Variants in UGT1A6 observed in about 807,000 individuals in gnomAD.
The protein encoded by UGT1A6 is UDP-glucuronosyltransferase 1A6.
In UGT1A6, 32 loss-of-function variants were observed where a neutral mutation model predicts 44.4. The observed-to-expected ratio is 0.72, with a 90% CI of 0.54 to 0.97. The LOEUF (loss-of-function observed/expected upper bound fraction) is 0.97, where lower values mean the gene tolerates loss of function less well. UGT1A6 is among the 50% of genes least tolerant of loss of function. The pLI is 0.00. For missense variants in UGT1A6, 685 were observed against 661.9 expected, an observed-to-expected ratio of 1.03 and a Z score of -0.38; for synonymous variants, 238 against 248.5, an observed-to-expected ratio of 0.96 and a Z score of 0.40.
chr2:233,730,011 C>T (rs762436427), intron 1 of UGT1A6: 31 of 1,613,760 alleles, frequency 1.9e-5, no homozygotes, highest in Non-Finnish European at 2.4e-5. Flanking sequence ...TTGGTGCCTT[C>T]ATCCAATCAA....
At chr2:233,747,905 T>G in intron 1 of UGT1A6, 2 of 1,613,538 alleles carry the variant, frequency 1.2e-6, no homozygotes, top group Non-Finnish European at 1.7e-6. Flanking sequence ...CTGCTCCTTA[T>G]GCAAGCCTTG....
chr2:233,768,512 T>C (rs1026092471), intron 4 of UGT1A6, 73 bp downstream of exon 4: 15 of 1,552,814 alleles, frequency 9.7e-6, no homozygotes, highest in South Asian at 4.8e-5. Context: ...ATGAAAACAT[T>C]TACGTAGCAT....
At chr2:233,759,130 A>T (rs1697062304) in intron 1 of UGT1A6, among the ~76,000 whole-genome samples, 1 of 152,244 alleles carries the variant, frequency 6.6e-6, no homozygotes, top group Non-Finnish European at 1.5e-5. Flanking sequence ...AGCCTCTGGT[A>T]CGCAATGAAG....
At chr2:233,701,496 A>G (rs2075632566) in intron 1 of UGT1A6, among the ~76,000 whole-genome samples, 1 of 152,140 alleles carries the variant, frequency 6.6e-6, no homozygotes, top group Admixed American at 6.5e-5. Context: ...AAGCGGACCT[A>G]ATAGACATCT....
chr2:233,772,862 C>A lies in UGT1A6; in HGVS notation c.*303C>A. 1 of 682,608 alleles carries A rather than the reference C, an allele frequency of 1.5e-6. No homozygotes were observed. The highest frequency in any genetic ancestry group is 2.2e-6 in the Non-Finnish European group (1 of 464,492). 42.3% of individuals were successfully genotyped at this position (682,608 alleles called of 1,614,324 possible). A position where few individuals can be genotyped will look rare whatever the true frequency, so the allele number is the denominator to read the frequency against. On this transcript the variant is annotated 3_prime_UTR_variant, in exon 5 of 5. Coordinates refer to ENST00000305139, the MANE Select transcript of UGT1A6 (RefSeq NM_001072.4). ...TTACTTTTCTTACTCTGAAACATGGCCTGTTTGGGAGTGCGGGATTCAAAG... is the reference window on the plus strand; with the variant it reads ...TTACTTTTCTTACTCTGAAACATGGACTGTTTGGGAGTGCGGGATTCAAAG...
chr2:233,772,304 C>G lies in UGT1A6; in HGVS notation c.1344C>G (p.Asp448Glu), dbSNP rs1165346261. The change falls in exon 5 of 5, where the codon GAC becomes GAG. Residue 448 changes from aspartate to glutamate, a missense_variant. Transcript: ENST00000305139. The part of the protein sequence containing the change: ...NIMRLSSLHK[D>E]RPVEPLDLAV... ...TGCGCCTCTCCAGCCTTCACAAGGA[C>G]CGCCCGGTGGAGCCGCTGGACCTGG... The G allele has an allele frequency of 6.2e-7, 1 of 1,614,230 alleles. No homozygotes were observed. The highest frequency in any genetic ancestry group is 2.2e-5 in the East Asian group (1 of 44,884).
At chr2:233,757,048 T>G (rs536754863) in intron 1 of UGT1A6, among the ~76,000 whole-genome samples, 1 of 151,428 alleles carries the variant, frequency 6.6e-6, no homozygotes, top group South Asian at 2.1e-4. Flanking sequence ...AAAGGAAGTT[T>G]GGGGAACAGC....
In UGT1A6 at chr2:233,768,411, G is replaced by T. The variant is rs750232648; in HGVS notation, c.1273G>T (p.Ala425Ser). The T allele has an allele frequency of 1.2e-6, 2 of 1,613,974 alleles. No individual in the cohort carries two copies. Among genetic ancestry groups the T allele is most frequent in the Non-Finnish European group, 1.7e-6 (2 of 1,180,022 alleles). Residue 425 changes from alanine to serine, a missense_variant, in exon 4 of 5, where the codon GCT becomes TCT. Coordinates refer to ENST00000305139, the MANE Select transcript of UGT1A6 (RefSeq NM_001072.4). Reference protein sequence around the residue: ...LEMTSEDLENALKAVINDKSY... With the variant: ...LEMTSEDLENSLKAVINDKSY... Reference sequence around the variant, plus strand: ...AATGACTTCTGAAGATTTAGAAAATGCTCTAAAAGCAGTCATCAATGACAA... The same window carrying T: ...AATGACTTCTGAAGATTTAGAAAATTCTCTAAAAGCAGTCATCAATGACAA...
At chr2:233,725,483 GCAAAAAGAAACCA>G (rs2077451609) in intron 1 of UGT1A6, among the ~76,000 whole-genome samples, 1 of 151,876 alleles carries the variant, frequency 6.6e-6, no homozygotes, top group Admixed American at 6.6e-5. Flanking sequence ...TTAGAAACCA[GCAAAAAGAAACCA>G]CTGAAATTAA....
In UGT1A6 at chr2:233,769,736, T is replaced by C. The variant is rs1415322181; in HGVS notation, c.1301+1297T>C. 6.9e-6 allele frequency: 10 copies of C among 1,453,324 alleles called. No individual in the cohort carries two copies. Among genetic ancestry groups the C allele is most frequent in the Non-Finnish European group, 9.1e-6 (10 of 1,101,886 alleles). The allele number at this position is 1,453,324 out of a possible 1,614,324, so 90.0% of individuals were successfully genotyped here. A position where few individuals can be genotyped will look rare whatever the true frequency, so the allele number is the denominator to read the frequency against. The stretch of plus-strand genomic sequence containing the variant: ...TAGGCACCATGGCACACGCCTGTAG[T>C]CCCAGCCACTCTGGAGGCTAAGGCG... On this transcript the variant is annotated intron_variant, in intron 4 of 4. Coordinates refer to ENST00000305139, the MANE Select transcript of UGT1A6 (RefSeq NM_001072.4). The surrounding 1 kb of genome is among the most constrained non-coding windows in gnomAD (Gnocchi z 4.4).
chr2:233,700,832 A>C (rs2075591149), intron 1 of UGT1A6, among the ~76,000 whole-genome samples: 1 of 152,014 alleles, frequency 6.6e-6, no homozygotes, highest in Non-Finnish European at 1.5e-5. Flanking sequence ...TTAACTCGTC[A>C]TTTAGCATTA....
rs1394358402 is a variant in UGT1A6 at position 233,747,887 on chromosome 2, T to C, written c.862-19147T>C. The C allele has an allele frequency of 1.2e-5, 19 of 1,613,492 alleles. No homozygotes were observed. The South Asian group carries it at 2.0e-4, about 17-fold the overall frequency. ...CTCTGGCCCTGTCCTACCTTTGCCA[T>C]GCTCTTTCTGCTCCTTATGCAAGCC... On this transcript the variant is annotated intron_variant, in intron 1 of 4. Transcript: ENST00000305139.
At chr2:233,724,125 C>T (rs2077171619) in intron 1 of UGT1A6, among the ~76,000 whole-genome samples, 1 of 108,600 alleles carries the variant, frequency 9.2e-6, no homozygotes, top group African/African-American at 4.7e-5. Flanking sequence ...AGGCGCCCCT[C>T]ACCTCCCGGA....
intron 1 of UGT1A6, chr2:233,761,223 C>T: frequency 1.2e-6 from 2 of 1,613,412 alleles, no homozygotes; most frequent in Non-Finnish European, 1.7e-6. Context: ...ATTAACTAGC[C>T]CCAGATATAT....
At chr2:233,697,825 A>T (rs929296446) in intron 1 of UGT1A6, among the ~76,000 whole-genome samples, 4 of 152,164 alleles carry the variant, frequency 2.6e-5, no homozygotes, top group Admixed American at 1.3e-4. Context: ...ATTTCAAGAA[A>T]ATCTAATTAA....
At chr2:233,760,137 C>G (rs1317655516) in intron 1 of UGT1A6, 2 of 1,403,084 alleles carry the variant, frequency 1.4e-6, no homozygotes, top group Non-Finnish European at 1.9e-6. Context: ...TTCTTTATCT[C>G]TGAAAGTGAA....
chr2:233,744,126 G>T (rs1692701514), intron 1 of UGT1A6: 3 of 357,170 alleles, frequency 8.4e-6, no homozygotes, highest in Admixed American at 7.7e-5. Context: ...GTGAGGCTCT[G>T]TGAGGCCCTG....
At chr2:233,747,731 G>A in intron 1 of UGT1A6, 1 of 1,612,808 alleles carries the variant, frequency 6.2e-7, no homozygotes, top group South Asian at 1.1e-5. Flanking sequence ...TGTTTTTTTT[G>A]AGGAACATTC....
At position 233,693,457 on chromosome 2, in the gene UGT1A6, A is replaced by G; in HGVS notation, c.453A>G (p.Pro151=). ...ESKFDALFTD[P]ALPCGVILAE... ...AGTTTGATGCTCTTTTCACAGACCC[A>G]GCCTTACCCTGTGGGGTGATCCTGG... The change falls in exon 1 of 5, where the codon CCA becomes CCG. Residue 151 remains proline, a synonymous_variant. Coordinates refer to ENST00000305139, the MANE Select transcript of UGT1A6 (RefSeq NM_001072.4). 1 of 1,614,086 alleles carries G rather than the reference A, an allele frequency of 6.2e-7. No individual in the cohort carries two copies. Among genetic ancestry groups the G allele is most frequent in the African/African-American group, 1.3e-5 (1 of 75,012 alleles).
Sources: gnomAD v4.1 joint callset for allele counts (sites outside exome capture counted in the v4.1 genomes callset) on GRCh38, gnomAD v4.1.1 for gene constraint, Gnocchi (gnomAD v3.1) non-coding constraint, MANE v1.5 for transcripts, NCBI Gene and HGNC (gene_info 2026-07-23, HGNC 2026-07-21) for gene names.